Variants in WDR72 observed in about 807,000 individuals in gnomAD.
WDR72 encodes the protein WD repeat-containing protein 72.
A neutral mutation model predicts 124.2 loss-of-function variants in WDR72; 120 were observed. The observed-to-expected ratio is 0.97, with a 90% CI of 0.83 to 1.12. WDR72 has a LOEUF of 1.12. WDR72 is among the 50% of genes most tolerant of loss of function. The pLI, the probability that WDR72 is intolerant of heterozygous loss-of-function variation, is 0.00. For synonymous variants in WDR72, 452 were observed against 441.7 expected, an observed-to-expected ratio of 1.02 and a Z score of -0.29; for missense variants, 1,387 against 1,278.8, an observed-to-expected ratio of 1.08 and a Z score of -1.29.
chr15:53,535,695 C>A (rs1051871739), intron 18 of WDR72, among the ~76,000 whole-genome samples: 1 of 152,126 alleles, frequency 6.6e-6, no homozygotes, highest in Non-Finnish European at 1.5e-5. Flanking sequence ...AACAAACATG[C>A]TTTAGAATTC....
intron 14 of WDR72, among the ~76,000 whole-genome samples, chr15:53,655,230 CAAAAAAAAA>C (rs531072099): frequency 0.023 from 1,252 of 54,600 alleles, 19 homozygotes; most frequent in East Asian, 0.21. Flanking sequence ...GATGCCATCT[CAAAAAAAAA>C]AAAAAAAAAA....
chr15:53,577,337 C>T (rs1023526094), intron 18 of WDR72, among the ~76,000 whole-genome samples: 3 of 152,084 alleles, frequency 2.0e-5, no homozygotes, highest in African/African-American at 7.2e-5. Flanking sequence ...CATTTACCTG[C>T]ACTATTCTAG....
At chr15:53,546,898 A>G (rs1442376509) in intron 18 of WDR72, among the ~76,000 whole-genome samples, 1 of 152,220 alleles carries the variant, frequency 6.6e-6, no homozygotes, top group Admixed American at 6.5e-5. Flanking sequence ...TCTAGATTAA[A>G]CAAGTAATTC....
At chr15:53,535,081 T>C (rs894546778) in intron 18 of WDR72, among the ~76,000 whole-genome samples, 2 of 152,140 alleles carry the variant, frequency 1.3e-5, no homozygotes, top group Admixed American at 6.6e-5. Flanking sequence ...ATAATTTAAC[T>C]AGATAAAAAT....
chr15:53,651,891 G>A (rs764798114), intron 14 of WDR72: 6 of 152,190 alleles, frequency 3.9e-5, no homozygotes, highest in Non-Finnish European at 5.9e-5. Context: ...GACCTCAGGT[G>A]ATCTGCCCAC....
At chr15:53,617,126 T>C (rs554003090) in intron 14 of WDR72, among the ~76,000 whole-genome samples, 2 of 151,886 alleles carry the variant, frequency 1.3e-5, no homozygotes, top group African/African-American at 4.8e-5. Flanking sequence ...AAAATGGTGG[T>C]GTAAATTATA....
intron 18 of WDR72, among the ~76,000 whole-genome samples, chr15:53,588,644 C>T (rs2012342828): frequency 6.6e-6 from 1 of 152,024 alleles, no homozygotes; most frequent in South Asian, 2.1e-4. Context: ...GCCACCATTT[C>T]TCTAGCAATT....
chr15:53,669,589 C>A lies in WDR72; in HGVS notation c.1766-3821G>T, dbSNP rs187077210. ...TGCATCATTTTTTTTCCTGATTAAA[C>A]CCTGATTAATACACTATGACAAATC... On this transcript the variant is annotated intron_variant, in intron 13 of 19. Coordinates refer to ENST00000360509, the MANE Select transcript of WDR72 (RefSeq NM_182758.4). 8.4e-3 allele frequency among the ~76,000 whole-genome samples: 1,285 copies of A among 152,180 alleles called. 8 individuals carry two copies. Among genetic ancestry groups the A allele is most frequent in the Non-Finnish European group, 0.012 (812 of 68,006 alleles).
intron 17 of WDR72, among the ~76,000 whole-genome samples, chr15:53,599,908 T>C (rs190690853): frequency 2.2e-4 from 33 of 152,276 alleles, no homozygotes; most frequent in African/African-American, 7.9e-4. Context: ...ATTATAAGAA[T>C]AATGATACGA....
At chr15:53,523,963 T>C (rs151217274) in intron 18 of WDR72, among the ~76,000 whole-genome samples, 1 of 152,216 alleles carries the variant, frequency 6.6e-6, no homozygotes, top group African/African-American at 2.4e-5. Flanking sequence ...TGGAAACTAG[T>C]ACAGAAGTCC....
At chr15:53,524,774 T>C (rs547162369) in intron 18 of WDR72, among the ~76,000 whole-genome samples, 43 of 152,222 alleles carry the variant, frequency 2.8e-4, no homozygotes, top group African/African-American at 1.0e-3. Flanking sequence ...AAGAAAAGCA[T>C]GAAATTGCTA....
chr15:53,720,303 C>G (rs907497854), intron 3 of WDR72, among the ~76,000 whole-genome samples: 1 of 152,110 alleles, frequency 6.6e-6, no homozygotes, highest in African/African-American at 2.4e-5. Flanking sequence ...TGTGTGGGAT[C>G]TTATTACTAC....
intron 17 of WDR72, among the ~76,000 whole-genome samples, chr15:53,604,729 T>A (rs370756503): frequency 1.3e-5 from 2 of 152,244 alleles, no homozygotes; most frequent in African/African-American, 4.8e-5. Flanking sequence ...GAAAGAAAGC[T>A]TAACATCACT....
intron 14 of WDR72, among the ~76,000 whole-genome samples, chr15:53,633,611 T>G (rs1019744638): frequency 2.6e-5 from 4 of 152,188 alleles, no homozygotes; most frequent in African/African-American, 9.7e-5. Flanking sequence ...TTTATGTATC[T>G]AACAGCATAG....
Position 53,711,005 on chromosome 15 carries a change from G to A in WDR72, c.858-52C>T, listed in dbSNP as rs1187965021. The A allele has an allele frequency of 2.7e-6, 4 of 1,489,406 alleles. No individual in the cohort carries two copies. In the South Asian group the frequency reaches 3.4e-5, roughly 13 times the overall value. 92.3% of individuals were successfully genotyped at this position (1,489,406 alleles called of 1,614,324 possible). A position where few individuals can be genotyped will look rare whatever the true frequency, so the allele number is the denominator to read the frequency against. ...TTTAGAACTTTGAGGTTCTTTATTC[G>A]TTTTTTTTCCCCCTCCCACTTTCAA... On this transcript the variant is annotated intron_variant, in intron 8 of 19. Transcript: ENST00000360509.
intron 18 of WDR72, among the ~76,000 whole-genome samples, chr15:53,529,907 A>G (rs1474450952): frequency 6.6e-6 from 1 of 151,994 alleles, no homozygotes; most frequent in Non-Finnish European, 1.5e-5. Flanking sequence ...TGGGAAGTAG[A>G]AAAGGAGAGT....
intron 3 of WDR72, 62 bp downstream of exon 3, chr15:53,722,740 A>T (rs1311136649): frequency 7.0e-7 from 1 of 1,428,516 alleles, no homozygotes; most frequent in African/African-American, 1.4e-5. Context: ...ATTGTATTCC[A>T]TTGTAGTTTT....
intron 2 of WDR72, 83 bp downstream of exon 2, chr15:53,732,914 T>A: frequency 6.6e-7 from 1 of 1,518,124 alleles, no homozygotes; most frequent in Non-Finnish European, 9.1e-7. Flanking sequence ...ATGCAAACCT[T>A]CCACTGTCAT....
chr15:53,727,083 G>A (rs907124318), intron 2 of WDR72, among the ~76,000 whole-genome samples: 16 of 151,890 alleles, frequency 1.1e-4, no homozygotes, highest in Admixed American at 5.9e-4. Context: ...AGGCTGAGGC[G>A]GGTGGATCAC....
Sources: gnomAD v4.1 joint callset for allele counts (sites outside exome capture counted in the v4.1 genomes callset) on GRCh38, gnomAD v4.1.1 for gene constraint, MANE v1.5 for transcripts, NCBI Gene and HGNC (gene_info 2026-07-23, HGNC 2026-07-21) for gene names.